ZNF695: variants seen among roughly 807,000 people sequenced by gnomAD.
The protein encoded by ZNF695 is zinc finger protein SBZF3.
A neutral mutation model predicts 11.2 loss-of-function variants in ZNF695; 11 were observed. The ratio of observed to expected loss-of-function variants is 0.98; its 90% confidence interval spans 0.62 to 1.62. The LOEUF (loss-of-function observed/expected upper bound fraction) is 1.62. Among genes scored for constraint, ZNF695 ranks in the 40% most tolerant of loss-of-function variants. The pLI is 0.00. For missense variants in ZNF695, 559 were observed against 590.5 expected, an observed-to-expected ratio of 0.95 and a Z score of 0.55; for synonymous variants, 190 against 201.4, an observed-to-expected ratio of 0.94 and a Z score of 0.48.
chr1:246,974,157 C>CA (rs879375430), intron 4 of ZNF695, among the ~76,000 whole-genome samples: 12,858 of 127,212 alleles, frequency 0.1, 677 homozygotes, highest in Middle Eastern at 0.16. Flanking sequence ...AACAAACAAA[C>CA]AAACAAAAAA....
At chr1:246,977,066 C>T (rs1276836947) in intron 4 of ZNF695, among the ~76,000 whole-genome samples, 1 of 152,200 alleles carries the variant, frequency 6.6e-6, no homozygotes, top group South Asian at 2.1e-4. Flanking sequence ...TCCCAGTTCC[C>T]TGCCATTCGC....
rs200143022 is a variant in ZNF695, at chr1:246,950,650, CAAAAAAAAAAAAAAA to C, written c.489-4838_489-4824del. ...AGGGCAACAGAGCGAAACTCCGTTTCAAAAAAAAAAAAAAAAAAAAAAAAAAATCCACCCAATATA... is the reference window on the plus strand; with the variant it reads ...AGGGCAACAGAGCGAAACTCCGTTTCAAAAAAAAAAAATCCACCCAATATA... On this transcript the variant is annotated intron_variant, in intron 5 of 5. Transcript: ENST00000487338. Among the ~76,000 whole-genome samples the C allele has an allele frequency of 4.2e-3, 441 of 105,398 alleles. 6 individuals are homozygous for C. The highest frequency in any genetic ancestry group is 0.017 in the African/African-American group (414 of 24,048). The allele number at this position is 105,398 out of a possible 152,430, so 69.1% of individuals were successfully genotyped here. A position where few individuals can be genotyped will look rare whatever the true frequency, so the allele number is the denominator to read the frequency against.
At chr1:246,981,904 T>G (rs1261623762), downstream of ZNF695, among the ~76,000 whole-genome samples, 1 of 152,212 alleles carries the variant, frequency 6.6e-6, no homozygotes, top group African/African-American at 2.4e-5. Flanking sequence ...GACTATGGAC[T>G]GCCAACTGCA....
At chr1:246,971,127 G>T (rs559701791) in intron 4 of ZNF695, among the ~76,000 whole-genome samples, 1 of 152,196 alleles carries the variant, frequency 6.6e-6, no homozygotes, top group African/African-American at 2.4e-5. Flanking sequence ...GCAGGGTAAG[G>T]AGTGTGAGCC....
In ZNF695 at chr1:246,987,783, T is replaced by G; in HGVS notation, c.732A>C (p.Glu244Asp). The change falls in exon 4 of 4, where the codon GAA (glutamate) becomes GAC (aspartate). Residue 244 changes from glutamate to aspartate, a missense_variant. Transcript: ENST00000339986. ...HVGEKHCKCE[E>D]CNNIFKSCSS... ...AGCAAGACTTAAAAATGTTATTACA[T>G]TCTTCACATTTGCAATGTTTCTCTC... 2 of 1,605,168 alleles carry G rather than the reference T, an allele frequency of 1.2e-6. No homozygotes were observed. The highest frequency in any genetic ancestry group is 1.7e-6 in the Non-Finnish European group (2 of 1,177,340).
chr1:246,986,221 A>G lies in ZNF695; in HGVS notation c.*746T>C, dbSNP rs897410189. ...GTAGCTGGGACAACAGGCATGTGCCACCAAGCCTGGCTTTTATTTTACTTT... is the reference window on the plus strand; with the variant it reads ...GTAGCTGGGACAACAGGCATGTGCCGCCAAGCCTGGCTTTTATTTTACTTT... On this transcript the variant is annotated 3_prime_UTR_variant, in exon 4 of 4. Coordinates refer to ENST00000339986, the MANE Select transcript of ZNF695 (RefSeq NM_020394.5). 9 of 502,826 alleles carry G rather than the reference A, an allele frequency of 1.8e-5. No homozygotes were observed. The highest frequency in any genetic ancestry group is 1.7e-4 in the African/African-American group (8 of 47,998). The allele number at this position is 502,826 out of a possible 1,614,324, so 31.1% of individuals were successfully genotyped here.
chr1:247,002,270 A>G (rs984761479), intron 1 of ZNF695, among the ~76,000 whole-genome samples: 1 of 152,078 alleles, frequency 6.6e-6, no homozygotes, highest in Non-Finnish European at 1.5e-5. Flanking sequence ...GCAGAAATGA[A>G]GAAATTAAGG....
intron 3 of ZNF695, among the ~76,000 whole-genome samples, chr1:246,989,896 G>A (rs1441467397): frequency 6.6e-6 from 1 of 152,102 alleles, no homozygotes; most frequent in African/African-American, 2.4e-5. Context: ...AGCTACCTGA[G>A]AGGCTGAGGT....
chr1:246,990,422 A>G (rs1196407338), intron 3 of ZNF695, among the ~76,000 whole-genome samples: 1 of 152,182 alleles, frequency 6.6e-6, no homozygotes, highest in Non-Finnish European at 1.5e-5. Flanking sequence ...AGAATATAAC[A>G]ATTGTAAATA....
intron 4 of ZNF695, among the ~76,000 whole-genome samples, chr1:246,971,167 T>C (rs1668414657): frequency 1.3e-5 from 2 of 152,062 alleles, no homozygotes; most frequent in Non-Finnish European, 2.9e-5. Flanking sequence ...GTCACACGAG[T>C]CACCTGTCCA....
chr1:247,007,974 G>T lies in ZNF695; in HGVS notation c.-66C>A. 1.4e-6 allele frequency: 2 copies of T among 1,438,728 alleles called. No homozygotes were observed. The highest frequency in any genetic ancestry group is 1.8e-6 in the Non-Finnish European group (2 of 1,083,184). The allele number at this position is 1,438,728 out of a possible 1,614,324, so 89.1% of individuals were successfully genotyped here. Reference sequence around the variant, plus strand: ...TCGCAATACCTGCAGGCCACAGGGCGATGGAGCCTGCGGCAGTCACCCGGG... The same window carrying T: ...TCGCAATACCTGCAGGCCACAGGGCTATGGAGCCTGCGGCAGTCACCCGGG... On this transcript the variant is annotated 5_prime_UTR_variant, in exon 1 of 4. Transcript: ENST00000339986.
At chr1:246,978,329 C>A (rs973745057) in intron 4 of ZNF695, among the ~76,000 whole-genome samples, 2 of 152,166 alleles carry the variant, frequency 1.3e-5, no homozygotes, top group African/African-American at 4.8e-5. Flanking sequence ...TTACTTATGA[C>A]TTTGTAATGA....
At chr1:246,971,425 T>A (rs1023184339) in intron 4 of ZNF695, among the ~76,000 whole-genome samples, 1 of 152,130 alleles carries the variant, frequency 6.6e-6, no homozygotes, top group Non-Finnish European at 1.5e-5. Flanking sequence ...TGTCAGGCCT[T>A]CCACAAGAGG....
intron 4 of ZNF695, among the ~76,000 whole-genome samples, chr1:246,974,974 C>T (rs1668521464): frequency 6.6e-6 from 1 of 152,234 alleles, no homozygotes; most frequent in African/African-American, 2.4e-5. Context: ...CATCTTTCTT[C>T]TCCATTATTA....
chr1:246,988,065 A>C lies in ZNF695; in HGVS notation c.450T>G (p.Thr150=). The C allele has an allele frequency of 6.2e-7, 1 of 1,605,640 alleles. No individual in the cohort carries two copies. The highest frequency in any genetic ancestry group is 8.5e-7 in the Non-Finnish European group (1 of 1,177,696). ...SYNGLDLCSA[T]THSKNFQCNK... ...TGCATTGAAAGTTTTTGCTATGAGT[A>C]GTTGCTGAGCATAGGTCAAGTCCAT... is the stretch of plus-strand genomic sequence containing the variant. The change falls in exon 4 of 4, where the codon ACT becomes ACG. Residue 150 remains threonine (T), a synonymous_variant. Transcript: ENST00000339986.
intron 5 of ZNF695, among the ~76,000 whole-genome samples, chr1:246,960,351 A>T (rs1668132987): frequency 6.6e-6 from 1 of 152,226 alleles, no homozygotes. Context: ...ATATGATTGC[A>T]GTTTGGGGAA....
chr1:246,977,394 C>T (rs1045849378), intron 4 of ZNF695, among the ~76,000 whole-genome samples: 8 of 152,170 alleles, frequency 5.3e-5, no homozygotes, highest in East Asian at 1.9e-4. Flanking sequence ...GTAGCTGAGA[C>T]TACGGGTGCC....
At chr1:247,000,813 G>C (rs1572535706) in intron 1 of ZNF695, among the ~76,000 whole-genome samples, 2 of 152,196 alleles carry the variant, frequency 1.3e-5, no homozygotes, top group South Asian at 4.1e-4. Context: ...GCAGTGACTA[G>C]TACACAGACC....
downstream of ZNF695, chr1:246,985,187 T>C: frequency 1.8e-6 from 1 of 548,564 alleles, no homozygotes; most frequent in Non-Finnish European, 2.3e-6. Flanking sequence ...TAGAGTAGTA[T>C]ATTTATGTAT....
Sources: allele counts gnomAD v4.1 joint callset (sites outside exome capture counted in the v4.1 genomes callset), GRCh38; gene constraint gnomAD v4.1.1; transcripts MANE v1.5; gene names NCBI Gene and HGNC (gene_info 2026-07-23, HGNC 2026-07-21).